DNAH7: variants seen among roughly 807,000 people sequenced by gnomAD.
The protein encoded by DNAH7 is axonemal beta dynein heavy chain 7.
DNAH7 carries 397 observed loss-of-function variants against 444.6 expected under a neutral mutation model. The observed-to-expected ratio is 0.89, with a 90% CI of 0.82 to 0.97. The LOEUF is 0.97. DNAH7 is among the 50% of genes least tolerant of loss of function. The probability of loss-of-function intolerance (pLI) is 0.00; values close to 1 mark genes in which losing one functional copy is unlikely to be tolerated. For synonymous variants in DNAH7, 1,636 were observed against 1,624.4 expected (o/e 1.01, Z -0.17); for missense variants, 4,902 against 4,800.8 (o/e 1.02, Z -0.62).
chr2:195,847,120 A>G (rs1427169286), intron 46 of DNAH7, among the ~76,000 whole-genome samples: 1 of 146,818 alleles, frequency 6.8e-6, no homozygotes, highest in Middle Eastern at 3.3e-3. Context: ...GGGATATCGG[A>G]TATATATATA....
At chr2:195,821,499 C>T (rs1348182991) in intron 49 of DNAH7, among the ~76,000 whole-genome samples, 3 of 152,160 alleles carry the variant, frequency 2.0e-5, no homozygotes, top group Non-Finnish European at 4.4e-5. Context: ...CAAACATAAG[C>T]CATGTCTGTG....
At chr2:196,058,032 T>C in intron 2 of DNAH7, 22 bp downstream of exon 2, 1 of 1,467,772 alleles carries the variant, frequency 6.8e-7, no homozygotes, top group Non-Finnish European at 9.1e-7. Context: ...GAATGAAGTA[T>C]GATGGTATAT....
At chr2:195,755,471 A>G (rs1270319593) in intron 62 of DNAH7, among the ~76,000 whole-genome samples, 1 of 152,230 alleles carries the variant, frequency 6.6e-6, no homozygotes, top group Non-Finnish European at 1.5e-5. Flanking sequence ...TTTCCCTAAA[A>G]GAGCCCAAGG....
intron 12 of DNAH7, among the ~76,000 whole-genome samples, chr2:195,992,174 A>C (rs1693384071): frequency 6.6e-6 from 1 of 152,180 alleles, no homozygotes; most frequent in Non-Finnish European, 1.5e-5. Flanking sequence ...AACAGGGAAA[A>C]GCTTGGCATA....
chr2:195,997,247 T>C (rs1444931935), intron 12 of DNAH7, among the ~76,000 whole-genome samples: 1 of 152,170 alleles, frequency 6.6e-6, no homozygotes, highest in Non-Finnish European at 1.5e-5. Context: ...GCATGGTGGC[T>C]CATGCCTGTA....
In DNAH7 at chr2:196,026,869, T is replaced by C. The variant is rs1170070900; in HGVS notation, c.558A>G (p.Glu186=). Residue 186 remains glutamate (E), a synonymous_variant, in exon 7 of 65, where the codon GAA becomes GAG. Coordinates refer to ENST00000312428, the MANE Select transcript of DNAH7 (RefSeq NM_018897.3). ...GTTGTGGAACTAAATCCAGTACGTG[T>C]TCTAGCCAAGAATCTTCCATTGGGG... ...HVAPMEDSWL[E]HVLDLVPQHL... is the part of the protein sequence containing the mutation. 1.2e-6 allele frequency: 2 copies of C among 1,612,594 alleles called. No homozygotes were observed. The highest frequency in any genetic ancestry group is 4.5e-5 in the East Asian group (2 of 44,750).
chr2:195,833,106 T>C (rs1698152632), intron 48 of DNAH7, among the ~76,000 whole-genome samples: 1 of 152,154 alleles, frequency 6.6e-6, no homozygotes, highest in African/African-American at 2.4e-5. Flanking sequence ...ACTTTCTAAT[T>C]TTATTACAGT....
At chr2:196,020,102 TTTG>T (rs1408251392) in intron 8 of DNAH7, among the ~76,000 whole-genome samples, 3 of 152,164 alleles carry the variant, frequency 2.0e-5, no homozygotes, top group African/African-American at 7.2e-5. Flanking sequence ...TTCTTATGAT[TTTG>T]TTAATAAAAT....
At chr2:195,872,104 A>C (rs1700745604) in intron 40 of DNAH7, 146 bp downstream of exon 40, 1 of 615,714 alleles carries the variant, frequency 1.6e-6, no homozygotes, top group Non-Finnish European at 2.7e-6. Flanking sequence ...ATATTTTTAA[A>C]ATTTTTCTGA....
At chr2:195,817,578 A>G (rs1020162080) in intron 50 of DNAH7, 118 bp downstream of exon 50, 3 of 1,070,678 alleles carry the variant, frequency 2.8e-6, no homozygotes, top group Admixed American at 3.2e-5. Context: ...TTTTCCTGTT[A>G]TATTTTCCCT....
chr2:195,755,271 A>G (rs978114289), intron 62 of DNAH7, among the ~76,000 whole-genome samples: 1 of 152,242 alleles, frequency 6.6e-6, no homozygotes, highest in Non-Finnish European at 1.5e-5. Flanking sequence ...AATTCAACAT[A>G]TAGGAACACA....
chr2:195,933,874 A>G (rs1688868363), intron 21 of DNAH7, among the ~76,000 whole-genome samples: 1 of 152,120 alleles, frequency 6.6e-6, no homozygotes, highest in Non-Finnish European at 1.5e-5. Context: ...CGTTGTGCAC[A>G]TGTACCCTAA....
intron 61 of DNAH7, among the ~76,000 whole-genome samples, chr2:195,760,972 A>C (rs1473746723): frequency 6.6e-6 from 1 of 152,140 alleles, no homozygotes; most frequent in Non-Finnish European, 1.5e-5. Context: ...CATTCATAAA[A>C]CATGACCTTA....
chr2:195,957,621 C>A (rs955874589), intron 18 of DNAH7, among the ~76,000 whole-genome samples, 174 bp from the exon 19 acceptor site: 1 of 136,934 alleles, frequency 7.3e-6, no homozygotes, highest in South Asian at 2.1e-4. Flanking sequence ...TATATACAAT[C>A]TTGTATATAA....
At chr2:195,930,955 C>T (rs55699911) in intron 21 of DNAH7, among the ~76,000 whole-genome samples, 14,880 of 152,030 alleles carry the variant, frequency 0.098, 847 homozygotes, top group African/African-American at 0.15. Flanking sequence ...TTCCCACTTA[C>T]AAGTAAGTGG....
intron 21 of DNAH7, among the ~76,000 whole-genome samples, chr2:195,931,092 C>G (rs912984323): frequency 1.3e-5 from 2 of 152,160 alleles, no homozygotes; most frequent in East Asian, 3.9e-4. Context: ...ATGCTCAGTA[C>G]CTGGGTGATG....
At chr2:195,804,052 AG>A (rs1412705856) in intron 54 of DNAH7, among the ~76,000 whole-genome samples, 1 of 100,038 alleles carries the variant, frequency 1.0e-5, no homozygotes, top group Admixed American at 9.6e-5. Context: ...TTGAGGGGAG[AG>A]GGGGGGAAGG....
At chr2:195,795,504 G>A (rs1012910070) in intron 56 of DNAH7, among the ~76,000 whole-genome samples, 5 of 152,298 alleles carry the variant, frequency 3.3e-5, no homozygotes, top group Admixed American at 1.3e-4. Flanking sequence ...CTATGATGAC[G>A]TATACTCTTG....
intron 1 of DNAH7, chr2:196,063,291 A>T (rs908677166): frequency 6.6e-6 from 1 of 152,228 alleles, no homozygotes; most frequent in African/African-American, 2.4e-5. Context: ...TCTTGCCATC[A>T]TGTGACCTGC....
Sources: allele counts gnomAD v4.1 joint callset (sites outside exome capture counted in the v4.1 genomes callset), GRCh38; gene constraint gnomAD v4.1.1; transcripts MANE v1.5; gene names NCBI Gene and HGNC (gene_info 2026-07-23, HGNC 2026-07-21).